GPC6: variants seen among roughly 807,000 people sequenced by gnomAD.
GPC6 encodes glypican-6.
GPC6 carries 14 observed loss-of-function variants against 55.2 expected under a neutral mutation model. The ratio of observed to expected loss-of-function variants is 0.25; its 90% CI spans 0.17 to 0.40. The LOEUF is 0.40. Among genes scored for constraint, GPC6 ranks in the 10% least tolerant of loss-of-function variants. GPC6 has a pLI of 1.00. For synonymous variants in GPC6, 278 were observed against 259.6 expected (o/e 1.07, Z -0.68); for missense variants, 641 against 708.5 (o/e 0.90, Z 1.08).
intron 2 of GPC6, among the ~76,000 whole-genome samples, chr13:93,727,418 TA>T (rs1883682292): frequency 6.6e-6 from 1 of 152,152 alleles, no homozygotes; most frequent in Non-Finnish European, 1.5e-5. Context: ...CCATTTGCCC[TA>T]TCTGGCCCAC....
At chr13:94,139,186 T>TA (rs1193322912) in intron 4 of GPC6, among the ~76,000 whole-genome samples, 1 of 152,128 alleles carries the variant, frequency 6.6e-6, no homozygotes, top group African/African-American at 2.4e-5. Flanking sequence ...TAGATAAGGC[T>TA]AAATCCACAT....
intron 1 of GPC6, among the ~76,000 whole-genome samples, chr13:93,372,369 A>C (rs1429755721): frequency 6.6e-6 from 1 of 152,116 alleles, no homozygotes; most frequent in Non-Finnish European, 1.5e-5. Context: ...GGCTCTATTA[A>C]TATTTCAGCA....
intron 4 of GPC6, among the ~76,000 whole-genome samples, chr13:94,224,092 C>T (rs780181552): frequency 3.9e-5 from 6 of 151,952 alleles, no homozygotes; most frequent in Non-Finnish European, 7.4e-5. Flanking sequence ...AGTGCTGTCT[C>T]GTGTTCCTAA....
chr13:93,879,853 C>G (rs1489801301), intron 3 of GPC6, among the ~76,000 whole-genome samples: 3 of 151,822 alleles, frequency 2.0e-5, no homozygotes, highest in African/African-American at 7.3e-5. Context: ...ACAATGAACT[C>G]AAACAAATTT....
chr13:93,771,245 C>T (rs1885281491), intron 2 of GPC6, among the ~76,000 whole-genome samples: 1 of 152,186 alleles, frequency 6.6e-6, no homozygotes, highest in Non-Finnish European at 1.5e-5. Flanking sequence ...CACAACCCAA[C>T]AAGGCCCACT....
At chr13:93,543,265 G>A (rs1423417137) in intron 1 of GPC6, among the ~76,000 whole-genome samples, 3 of 152,112 alleles carry the variant, frequency 2.0e-5, no homozygotes, top group Admixed American at 2.0e-4. Context: ...GGCCTTTTCT[G>A]CCTCTATTGA....
intron 3 of GPC6, among the ~76,000 whole-genome samples, chr13:93,993,058 C>G (rs181970566): frequency 7.5e-4 from 114 of 152,114 alleles, no homozygotes; most frequent in African/African-American, 2.6e-3. Flanking sequence ...TTCAATAAGC[C>G]CTTAGAGCTA....
chr13:93,367,642 G>A (rs1434778912), intron 1 of GPC6, among the ~76,000 whole-genome samples: 1 of 151,960 alleles, frequency 6.6e-6, no homozygotes, highest in African/African-American at 2.4e-5. Flanking sequence ...TTTAATTCAG[G>A]TTAATGTAAT....
chr13:93,951,159 T>C (rs1461313591), intron 3 of GPC6, among the ~76,000 whole-genome samples: 1 of 152,182 alleles, frequency 6.6e-6, no homozygotes, highest in Non-Finnish European at 1.5e-5. Context: ...TGTTCCTTCA[T>C]GCCTCCCCAC....
chr13:93,228,603 G>A (rs950766920), intron 1 of GPC6, among the ~76,000 whole-genome samples: 1 of 152,182 alleles, frequency 6.6e-6, no homozygotes, highest in Non-Finnish European at 1.5e-5. Context: ...CTTCTCTGGG[G>A]CTCTGTGAAT....
At chr13:94,036,640 G>T (rs1028259227) in intron 4 of GPC6, among the ~76,000 whole-genome samples, 43 of 152,012 alleles carry the variant, frequency 2.8e-4, no homozygotes, top group African/African-American at 1.0e-3. Flanking sequence ...ATCAGCAGAT[G>T]TGAGAAAGTT....
chr13:93,615,068 T>C (rs1878656747), intron 2 of GPC6, among the ~76,000 whole-genome samples: 1 of 152,186 alleles, frequency 6.6e-6, no homozygotes, highest in Non-Finnish European at 1.5e-5. Context: ...AAGATTCAGA[T>C]GTTTAATAAT....
intron 2 of GPC6, among the ~76,000 whole-genome samples, chr13:93,595,475 C>A (rs1350391573): frequency 1.3e-5 from 2 of 152,130 alleles, no homozygotes; most frequent in Non-Finnish European, 2.9e-5. Context: ...ACTACTGCAA[C>A]CTAGGCTGTT....
At chr13:93,960,522 G>C (rs1879718755) in intron 3 of GPC6, among the ~76,000 whole-genome samples, 1 of 152,224 alleles carries the variant, frequency 6.6e-6, no homozygotes, top group Admixed American at 6.5e-5. Context: ...GGAGTTACCA[G>C]AGAGTTGGAG....
chr13:93,754,862 G>C (rs746232921), intron 2 of GPC6, among the ~76,000 whole-genome samples: 69 of 152,138 alleles, frequency 4.5e-4, no homozygotes, highest in Non-Finnish European at 6.8e-4. Flanking sequence ...TACAAAGCCT[G>C]AGCATGAATC....
chr13:93,848,018 T>A (rs1267151827), intron 3 of GPC6, among the ~76,000 whole-genome samples: 2 of 152,160 alleles, frequency 1.3e-5, no homozygotes, highest in African/African-American at 4.8e-5. Context: ...AGAATATTGG[T>A]CTAGCAGTTT....
At chr13:93,887,218 A>G (rs966763462) in intron 3 of GPC6, among the ~76,000 whole-genome samples, 1 of 152,114 alleles carries the variant, frequency 6.6e-6, no homozygotes, top group Non-Finnish European at 1.5e-5. Flanking sequence ...TTTTATTTTT[A>G]ACATAGCAAT....
intron 2 of GPC6, among the ~76,000 whole-genome samples, chr13:93,789,482 ACTCT>A (rs766627327): frequency 0.018 from 1,081 of 59,524 alleles, 20 homozygotes; most frequent in African/African-American, 0.055. Flanking sequence ...ATGTGAGTGA[ACTCT>A]CTCTCTCTCT....
chr13:94,185,634 A>C (rs1594034969), intron 4 of GPC6, among the ~76,000 whole-genome samples: 1 of 152,256 alleles, frequency 6.6e-6, no homozygotes, highest in South Asian at 2.1e-4. Context: ...TGTAAAAAAA[A>C]GAATATGGTC....
Sources: allele counts gnomAD v4.1 joint callset (sites outside exome capture counted in the v4.1 genomes callset), GRCh38; gene constraint gnomAD v4.1.1; transcripts MANE v1.5; gene names NCBI Gene and HGNC (gene_info 2026-07-23, HGNC 2026-07-21).